Variants in KLHDC1 observed in about 807,000 individuals in gnomAD.
KLHDC1 encodes kelch domain containing 1.
A neutral mutation model predicts 68.3 loss-of-function variants in KLHDC1; 53 were observed. That is an observed-to-expected ratio of 0.78 (90% CI 0.62 to 0.98). KLHDC1 has a LOEUF of 0.98. KLHDC1 is among the 50% of genes least tolerant of loss of function. The pLI is 0.00. For synonymous variants in KLHDC1, 148 were observed against 159.0 expected, an observed-to-expected ratio of 0.93 and a Z score of 0.52; for missense variants, 470 against 492.3, an observed-to-expected ratio of 0.95 and a Z score of 0.43.
chr14:49,716,812 C>T (rs999184537), intron 4 of KLHDC1, among the ~76,000 whole-genome samples: 1 of 152,158 alleles, frequency 6.6e-6, no homozygotes, highest in Non-Finnish European at 1.5e-5. Flanking sequence ...CCAGTACCTA[C>T]TTCCAAACTT....
rs961817770 is a variant in KLHDC1 at position 49,743,920 on chromosome 14, A to G, written c.1034+115A>G. 4 of 618,544 alleles carry G rather than the reference A, an allele frequency of 6.5e-6. No individual in the cohort carries two copies. In the African/African-American group the frequency reaches 7.5e-5, roughly 12 times the overall value. 38.3% of individuals were successfully genotyped at this position (618,544 alleles called of 1,614,324 possible). A position where few individuals can be genotyped will look rare whatever the true frequency, so the allele number is the denominator to read the frequency against. ...TTGCTTATGACATGAATTCAAGAAT[A>G]TGTTCACATCTTCCTAAGAGTATAA... is the stretch of plus-strand genomic sequence containing the variant. On this transcript the variant is annotated intron_variant, in intron 12 of 12. Transcript: ENST00000359332.
At chr14:49,747,796 A>G (rs778731263) in intron 12 of KLHDC1, among the ~76,000 whole-genome samples, 2 of 152,182 alleles carry the variant, frequency 1.3e-5, no homozygotes, top group African/African-American at 2.4e-5. Flanking sequence ...ATCAATATGT[A>G]GTGGCACCAT....
At chr14:49,736,562 A>G (rs1280856623) in intron 10 of KLHDC1, among the ~76,000 whole-genome samples, 1 of 152,190 alleles carries the variant, frequency 6.6e-6, no homozygotes, top group Admixed American at 6.5e-5. Flanking sequence ...TATATATACT[A>G]ATTTTTATAA....
intron 10 of KLHDC1, among the ~76,000 whole-genome samples, chr14:49,734,980 A>T (rs4243560): frequency 0.91 from 138,376 of 151,952 alleles, 64,414 homozygotes; most frequent in East Asian, 1. Flanking sequence ...AATGTTAATA[A>T]TTTTAATAAG....
Position 49,751,681 on chromosome 14 carries a change from T to C in KLHDC1, c.1130T>C (p.Ile377Thr). The change falls in exon 13 of 13, where the codon ATA becomes ACA. Residue 377 changes from isoleucine (I) to threonine (T), a missense_variant. Ile to Thr is a moderately conservative substitution (Grantham distance 89). Coordinates refer to ENST00000359332, the MANE Select transcript of KLHDC1 (RefSeq NM_172193.3). ...PKLLQQVLKK[I>T]TFWAAANHRE... ...CTTCTGCAACAAGTACTCAAAAAAA[T>C]AACATTTTGGGCTGCAGCTAATCAC... 2.5e-6 allele frequency: 4 copies of C among 1,608,458 alleles called. No homozygotes were observed. Among genetic ancestry groups the C allele is most frequent in the Non-Finnish European group, 3.4e-6 (4 of 1,176,634 alleles).
intron 12 of KLHDC1, among the ~76,000 whole-genome samples, chr14:49,745,328 G>T (rs1307083279): frequency 1.3e-5 from 2 of 152,118 alleles, no homozygotes; most frequent in East Asian, 3.8e-4. Context: ...CCTGTGTTCT[G>T]CCCCTACAGA....
chr14:49,743,706 T>C (rs1315880265), intron 11 of KLHDC1, 47 bp from the exon 12 acceptor site: 1 of 1,093,908 alleles, frequency 9.1e-7, no homozygotes, highest in Admixed American at 2.0e-5. Flanking sequence ...ATTAACTCAT[T>C]GTTATTTTTA....
intron 5 of KLHDC1, among the ~76,000 whole-genome samples, chr14:49,725,390 C>T (rs1387597469): frequency 6.6e-6 from 1 of 152,308 alleles, no homozygotes; most frequent in Non-Finnish European, 1.5e-5. Context: ...ATCATTCCAC[C>T]CTCTGCAATT....
intron 1 of KLHDC1, among the ~76,000 whole-genome samples, chr14:49,696,056 A>T (rs1186044152): frequency 2.8e-5 from 4 of 141,826 alleles, no homozygotes; most frequent in Non-Finnish European, 6.1e-5. Flanking sequence ...ACAGAGTGAG[A>T]CTCTGTCTCA....
chr14:49,736,910 C>T (rs1359208914), intron 10 of KLHDC1, among the ~76,000 whole-genome samples: 3 of 152,234 alleles, frequency 2.0e-5, no homozygotes, highest in Non-Finnish European at 4.4e-5. Flanking sequence ...CAGTGTAGCA[C>T]TCCTATTCTC....
At chr14:49,702,325 T>G (rs1013561375) in intron 1 of KLHDC1, among the ~76,000 whole-genome samples, 7 of 152,212 alleles carry the variant, frequency 4.6e-5, no homozygotes, top group Non-Finnish European at 8.8e-5. Flanking sequence ...GAAAGAATTC[T>G]GGCAAAGAGT....
At position 49,709,728 on chromosome 14, in the gene KLHDC1, G is replaced by A. The variant is rs1888149389; in HGVS notation, c.187G>A (p.Gly63Arg). The A allele has an allele frequency of 3.1e-6, 5 of 1,594,582 alleles. No homozygotes were observed. Among genetic ancestry groups the A allele is most frequent in the Non-Finnish European group, 4.3e-6 (5 of 1,172,098 alleles). The change falls in exon 3 of 13, where the codon GGA (glycine) becomes AGA (arginine). Residue 63 changes from glycine to arginine, a missense_variant. Transcript: ENST00000359332. ...SGLWRMHLME[G>R]ELPASMSGSC... Reference sequence around the variant, plus strand: ...CTGCAGGAGAATGCACCTCATGGAAGGAGAACTCCCAGCCTCCATGTCAGG... The same window carrying A: ...CTGCAGGAGAATGCACCTCATGGAAAGAGAACTCCCAGCCTCCATGTCAGG...
rs1888274192 is a variant in KLHDC1, at chr14:49,713,809, TATATATATATATATATATATATA to T, written c.404+3429_404+3451del. Among the ~76,000 whole-genome samples, 6 of 26,806 alleles carry T rather than the reference TATATATATATATATATATATATA, an allele frequency of 2.2e-4. 2 individuals are homozygous for T. The highest frequency in any genetic ancestry group is 8.9e-4 in the African/African-American group (3 of 3,370). 17.6% of individuals were successfully genotyped at this position (26,806 alleles called of 152,430 possible). The stretch of plus-strand genomic sequence containing the variant: ...GGCTGAGGCAGGAGGTATATATATA[TATATATATATATATATATATATA>T]TATATATATATATATATATTTTTTT... On this transcript the variant is annotated intron_variant, in intron 4 of 12. Transcript: ENST00000359332.
chr14:49,723,987 A>G, intron 5 of KLHDC1, 35 bp downstream of exon 5: 1 of 1,209,258 alleles, frequency 8.3e-7, no homozygotes, highest in Non-Finnish European at 1.2e-6. Flanking sequence ...TTTTCCTCCA[A>G]GTCAGTATAG....
At chr14:49,695,148 G>GTGTGTGTGTT (rs765405554) in intron 1 of KLHDC1, among the ~76,000 whole-genome samples, 7 of 151,466 alleles carry the variant, frequency 4.6e-5, no homozygotes, top group East Asian at 3.9e-4. Context: ...GTGTGTGTGT[G>GTGTGTGTGTT]TTTTGAGACA....
intron 1 of KLHDC1, among the ~76,000 whole-genome samples, chr14:49,698,705 G>C (rs189007798): frequency 6.6e-6 from 1 of 151,338 alleles, no homozygotes; most frequent in Non-Finnish European, 1.5e-5. Flanking sequence ...TAGTAGAGAC[G>C]GAGTTTTGCC....
At chr14:49,731,789 C>T (rs1888815807) in intron 8 of KLHDC1, among the ~76,000 whole-genome samples, 1 of 152,314 alleles carries the variant, frequency 6.6e-6, no homozygotes, top group South Asian at 2.1e-4. Context: ...GAGCAATCCT[C>T]CTGCCTTGGC....
intron 9 of KLHDC1, among the ~76,000 whole-genome samples, chr14:49,734,000 C>T: frequency 6.6e-6 from 1 of 152,122 alleles, no homozygotes; most frequent in East Asian, 1.9e-4. Flanking sequence ...GATTTGGAAT[C>T]TAACCAAAAA....
rs139533674 is a variant in KLHDC1, at chr14:49,739,333, G to A, written c.897-765G>A. Among the ~76,000 whole-genome samples, 779 of 152,316 alleles carry A rather than the reference G, an allele frequency of 5.1e-3. 3 individuals carry two copies. Among genetic ancestry groups the A allele is most frequent in the African/African-American group, 0.016 (675 of 41,570 alleles). On this transcript the variant is annotated intron_variant, in intron 10 of 12. Coordinates refer to ENST00000359332, the MANE Select transcript of KLHDC1 (RefSeq NM_172193.3). ...GATTTGTGGGAAAAAGAAACTGGTT[G>A]ATCACAAATATTAGGCTAGGAAAAC...
Sources: gnomAD v4.1 joint callset for allele counts (sites outside exome capture counted in the v4.1 genomes callset) on GRCh38, gnomAD v4.1.1 for gene constraint, MANE v1.5 for transcripts, NCBI Gene and HGNC (gene_info 2026-07-23, HGNC 2026-07-21) for gene names.